Variants in CCDC102B observed in about 807,000 individuals in gnomAD.
CCDC102B encodes the protein coiled-coil domain containing 102B.
CCDC102B carries 75 observed loss-of-function variants against 57.4 expected under a neutral mutation model. That is an observed-to-expected ratio of 1.31 (90% confidence interval 1.08 to 1.58). The LOEUF is 1.58. CCDC102B is among the 40% of genes most tolerant of loss of function. CCDC102B has a pLI of 0.00. For synonymous variants in CCDC102B, 206 were observed against 201.9 expected (o/e 1.02, Z -0.17); for missense variants, 636 against 582.6 (o/e 1.09, Z -0.94).
chr18:68,842,654 G>A (rs191168049), intron 3 of CCDC102B, among the ~76,000 whole-genome samples: 1 of 152,206 alleles, frequency 6.6e-6, no homozygotes, highest in East Asian at 1.9e-4. Flanking sequence ...TGTTTCCAGA[G>A]GCAGCGGTGG....
Position 68,836,919 on chromosome 18 carries a change from T to A in CCDC102B, c.156T>A (p.His52Gln). The A allele has an allele frequency of 1.2e-6, 2 of 1,614,150 alleles. No homozygotes were observed. The highest frequency in any genetic ancestry group is 2.7e-5 in the African/African-American group (2 of 75,034). ...TCFPLHGLQS[H>Q]AAHNFCAHSY... ...TCCCACTTCATGGGCTACAATCTCA[T>A]GCTGCTCACAATTTCTGTGCTCACT... The change falls in exon 2 of 8, where the codon CAT becomes CAA. Residue 52 changes from histidine to glutamine, a missense_variant. Coordinates refer to ENST00000360242, the MANE Select transcript of CCDC102B (RefSeq NM_024781.3).
intron 6 of CCDC102B, among the ~76,000 whole-genome samples, chr18:68,907,895 T>C (rs1381010359): frequency 2.6e-5 from 4 of 152,224 alleles, no homozygotes; most frequent in African/African-American, 9.6e-5. Context: ...CAAACTTTTA[T>C]CATTGATTAT....
rs78520560 is a variant in CCDC102B at position 68,934,239 on chromosome 18, C to T, written c.1263+36811C>T. 4.7e-4 allele frequency among the ~76,000 whole-genome samples: 71 copies of T among 151,946 alleles called. No homozygotes were observed. The East Asian group carries it at 0.013, about 27-fold the overall frequency. ...TGACTTATCTACCTAAAGTAGTTGT[C>T]GGCAAACTCTATGAAGATTCATCTT... is the stretch of plus-strand genomic sequence containing the variant. On this transcript the variant is annotated intron_variant, in intron 6 of 7. Transcript: ENST00000360242.
At chr18:68,918,335 A>AT (rs918104113) in intron 6 of CCDC102B, among the ~76,000 whole-genome samples, 7 of 151,798 alleles carry the variant, frequency 4.6e-5, no homozygotes, top group African/African-American at 9.7e-5. Context: ...ACATTCACTG[A>AT]TTTTTTTTCT....
At chr18:68,821,902 A>G (rs2000711) in intron 1 of CCDC102B, among the ~76,000 whole-genome samples, 27,868 of 152,082 alleles carry the variant, frequency 0.18, 2,741 homozygotes, top group Non-Finnish European at 0.23. Context: ...CTTAGGAAAG[A>G]GCCAAGAGTT....
intron 2 of CCDC102B, among the ~76,000 whole-genome samples, chr18:68,738,855 C>T (rs2033258334): frequency 1.3e-5 from 2 of 152,114 alleles, no homozygotes; most frequent in African/African-American, 4.8e-5. Context: ...TCTACCAGGC[C>T]TGCTCTTCCT....
chr18:68,800,896 A>G (rs1490609442), intron 1 of CCDC102B, among the ~76,000 whole-genome samples: 3 of 152,158 alleles, frequency 2.0e-5, no homozygotes, highest in African/African-American at 7.2e-5. Context: ...CATATATCCA[A>G]ACCTTAAAGA....
chr18:69,011,755 A>T (rs1460203510), intron 7 of CCDC102B, among the ~76,000 whole-genome samples: 1 of 151,974 alleles, frequency 6.6e-6, no homozygotes, highest in Admixed American at 6.6e-5. Flanking sequence ...GCATTCTTTC[A>T]GGTGGTTTTC....
chr18:68,846,452 T>A, intron 4 of CCDC102B, 31 bp downstream of exon 4: 1 of 1,373,722 alleles, frequency 7.3e-7, no homozygotes, highest in Non-Finnish European at 1.0e-6. Flanking sequence ...AAGGAAGAAA[T>A]GAAGCCTAGC....
chr18:68,765,324 GGAAAGAAAGAAAGAA>G (rs2034408031), intron 2 of CCDC102B, among the ~76,000 whole-genome samples: 1 of 60,332 alleles, frequency 1.7e-5, no homozygotes, highest in Non-Finnish European at 3.4e-5. Flanking sequence ...AAGGAAGGAA[GGAAAGAAAGAAAGAA>G]AGAAAGAAAG....
At chr18:68,983,237 A>G (rs1303957211) in intron 6 of CCDC102B, among the ~76,000 whole-genome samples, 1 of 151,934 alleles carries the variant, frequency 6.6e-6, no homozygotes, top group Non-Finnish European at 1.5e-5. Flanking sequence ...TCAGAAATTT[A>G]ACAAATTATA....
intron 6 of CCDC102B, among the ~76,000 whole-genome samples, chr18:69,002,542 T>G (rs2051231445): frequency 6.6e-6 from 1 of 152,172 alleles, no homozygotes; most frequent in Admixed American, 6.6e-5. Flanking sequence ...AACTGCCAAA[T>G]TAACAACCAT....
intron 1 of CCDC102B, among the ~76,000 whole-genome samples, chr18:68,807,783 G>A (rs1197308782): frequency 6.6e-6 from 1 of 152,028 alleles, no homozygotes; most frequent in Non-Finnish European, 1.5e-5. Context: ...TTGTGTTAAG[G>A]ATTCTACTTT....
rs1382174728 is a variant in CCDC102B, at chr18:68,905,827, T to C, written c.1263+8399T>C. On this transcript the variant is annotated intron_variant, in intron 6 of 7. Coordinates refer to ENST00000360242, the MANE Select transcript of CCDC102B (RefSeq NM_024781.3). ...TTTTTTTTTTGAGACAGAGTCTAGC[T>C]CTGTCACCCAGGCTGGAGTACAGTG... Among the ~76,000 whole-genome samples the C allele has an allele frequency of 5.4e-5, 7 of 130,760 alleles. No individual in the cohort carries two copies. The Admixed American group carries it at 5.4e-4, about 10-fold the overall frequency. The allele number at this position is 130,760 out of a possible 152,430, so 85.8% of individuals were successfully genotyped here. A position where few individuals can be genotyped will look rare whatever the true frequency, so the allele number is the denominator to read the frequency against.
intron 4 of CCDC102B, among the ~76,000 whole-genome samples, chr18:68,869,469 A>C (rs1366506526): frequency 6.6e-6 from 1 of 152,232 alleles, no homozygotes; most frequent in Non-Finnish European, 1.5e-5. Flanking sequence ...GAATGCTGGT[A>C]GCAGAAGCGA....
chr18:68,789,469 A>G (rs975202560), intron 2 of CCDC102B, among the ~76,000 whole-genome samples: 2 of 152,136 alleles, frequency 1.3e-5, no homozygotes, highest in Admixed American at 6.5e-5. Context: ...AGGTACCCCA[A>G]TCAGACGTAG....
chr18:68,760,124 C>T (rs1472125537), intron 2 of CCDC102B, among the ~76,000 whole-genome samples: 3 of 152,232 alleles, frequency 2.0e-5, no homozygotes, highest in African/African-American at 7.2e-5. Context: ...ACACTAATCT[C>T]TATCTCAATT....
At chr18:68,848,433 G>A (rs1318342315) in intron 4 of CCDC102B, among the ~76,000 whole-genome samples, 3 of 151,930 alleles carry the variant, frequency 2.0e-5, no homozygotes, top group Admixed American at 2.0e-4. Flanking sequence ...GGAAAGATTA[G>A]CAATTGTTAA....
chr18:68,739,198 G>A (rs760948240), intron 2 of CCDC102B, among the ~76,000 whole-genome samples: 2 of 152,082 alleles, frequency 1.3e-5, no homozygotes, highest in African/African-American at 2.4e-5. Flanking sequence ...TTTTCGCTGT[G>A]TTGGCCAGGC....
Sources: allele counts gnomAD v4.1 joint callset (sites outside exome capture counted in the v4.1 genomes callset), GRCh38; gene constraint gnomAD v4.1.1; transcripts MANE v1.5; gene names NCBI Gene and HGNC (gene_info 2026-07-23, HGNC 2026-07-21).